DMD: variants seen among roughly 807,000 people sequenced by gnomAD.
DMD encodes mutant dystrophin.
Under a neutral mutation model 330.1 loss-of-function variants are expected in DMD, and 63 were observed. The observed-to-expected ratio is 0.19, with a 90% CI of 0.16 to 0.24. DMD has a LOEUF of 0.24. Ranked by LOEUF, DMD falls within the 10% of genes least tolerant of loss-of-function variation. DMD has a pLI of 1.00. For synonymous variants in DMD, 1,223 were observed against 959.8 expected (o/e 1.27, Z -5.07); for missense variants, 3,344 against 2,684.1 (o/e 1.25, Z -5.43).
intron 1 of DMD, among the ~76,000 whole-genome samples, chrX:33,332,088 G>GT (rs1371547423): frequency 1.8e-5 from 2 of 111,637 alleles, no homozygotes; most frequent in African/African-American, 3.2e-5. Context: ...GCTAACTTGA[G>GT]TTTTTTCATT....
intron 60 of DMD, among the ~76,000 whole-genome samples, chrX:31,431,365 T>A (rs2064060600): frequency 9.0e-6 from 1 of 111,157 alleles, no homozygotes; most frequent in East Asian, 2.8e-4. Context: ...CTGCCAGCTG[T>A]TGGTAGAAAT....
chrX:32,935,247 G>T (rs1000174294), intron 2 of DMD, among the ~76,000 whole-genome samples: 1 of 112,566 alleles, frequency 8.9e-6, no homozygotes, highest in Non-Finnish European at 1.9e-5. Context: ...CAAAGTGCTG[G>T]GATTACAGGC....
chrX:32,480,955 T>C lies in DMD; in HGVS notation c.2803+3964A>G, dbSNP rs143806125. 8.4e-3 allele frequency among the ~76,000 whole-genome samples: 931 copies of C among 110,947 alleles called. 7 individuals carry two copies. The highest frequency in any genetic ancestry group is 0.029 in the African/African-American group (876 of 30,675). ...CAAAACATTCCTTTGCCTAGATGTATTAAAAATAAAATTTTAAAATAAAAA... is the reference window on the plus strand; with the variant it reads ...CAAAACATTCCTTTGCCTAGATGTACTAAAAATAAAATTTTAAAATAAAAA... On this transcript the variant is annotated intron_variant, in intron 21 of 78. Transcript: ENST00000357033.
chrX:33,160,116 G>C (rs1253211364), intron 1 of DMD, among the ~76,000 whole-genome samples: 1 of 111,787 alleles, frequency 8.9e-6, no homozygotes, highest in Non-Finnish European at 1.9e-5. Flanking sequence ...AATAGAATTT[G>C]AGTTAGATAA....
intron 61 of DMD, among the ~76,000 whole-genome samples, chrX:31,339,050 C>T (rs1390322930): frequency 9.1e-6 from 1 of 109,809 alleles, no homozygotes; most frequent in Non-Finnish European, 1.9e-5. Flanking sequence ...CAAAGGTAGG[C>T]TTAATAACTA....
intron 62 of DMD, among the ~76,000 whole-genome samples, chrX:31,271,496 G>C (rs2051628772): frequency 9.0e-6 from 1 of 111,067 alleles, no homozygotes; most frequent in African/African-American, 3.3e-5. Context: ...TGCTAGCTGT[G>C]TAAAAATGCA....
intron 45 of DMD, among the ~76,000 whole-genome samples, chrX:31,962,570 A>G (rs2095316237): frequency 8.9e-6 from 1 of 112,350 alleles, no homozygotes; most frequent in Non-Finnish European, 1.9e-5. Flanking sequence ...ACTCAGTTGT[A>G]GGTGATGGTG....
At chrX:31,684,989 C>A (rs908309030) in intron 52 of DMD, among the ~76,000 whole-genome samples, 5 of 112,088 alleles carry the variant, frequency 4.5e-5, no homozygotes, top group Non-Finnish European at 3.8e-5. Context: ...GGGAATTGTA[C>A]ATGGGAATAG....
chrX:32,082,242 C>T (rs1426903568), intron 44 of DMD, among the ~76,000 whole-genome samples: 1 of 111,023 alleles, frequency 9.0e-6, no homozygotes, highest in African/African-American at 3.3e-5. Flanking sequence ...CTTTTGTTTT[C>T]GAGACAGGAT....
chrX:32,894,819 C>A (rs1272999199), intron 2 of DMD, among the ~76,000 whole-genome samples: 6 of 112,312 alleles, frequency 5.3e-5, no homozygotes, highest in Non-Finnish European at 1.1e-4. Context: ...TTTGTGTGTA[C>A]GTGTGTGTAT....
Position 32,357,692 on chromosome X carries a change from C to G in DMD, c.5325+5096G>C, listed in dbSNP as rs2097809481. ...ACACACACACACACACACACACACA[C>G]ACACACAGAGCACATCAAGAACTCT... is the stretch of plus-strand genomic sequence containing the variant. On this transcript the variant is annotated intron_variant, in intron 37 of 78. Transcript: ENST00000357033. 4.0e-5 allele frequency among the ~76,000 whole-genome samples: 4 copies of G among 101,017 alleles called. No homozygotes were observed. The South Asian group carries it at 1.6e-3, about 40-fold the overall frequency. The allele number at this position is 101,017 out of a possible 115,157, so 87.7% of individuals were successfully genotyped here.
intron 74 of DMD, among the ~76,000 whole-genome samples, chrX:31,161,739 T>A (rs1224502604): frequency 9.0e-6 from 1 of 111,533 alleles, no homozygotes. Flanking sequence ...CTACCAATCT[T>A]CATGGCTTTA....
intron 71 of DMD, among the ~76,000 whole-genome samples, chrX:31,173,825 A>G (rs1305159429): frequency 8.9e-6 from 1 of 112,155 alleles, no homozygotes; most frequent in Non-Finnish European, 1.9e-5. Context: ...AAAGCCATGA[A>G]GAGAGGCCAA....
intron 21 of DMD, among the ~76,000 whole-genome samples, chrX:32,481,949 T>G (rs1412532539): frequency 9.0e-6 from 1 of 111,700 alleles, no homozygotes; most frequent in African/African-American, 3.2e-5. Flanking sequence ...GAAAGCAATC[T>G]AATGGTGTAG....
At chrX:31,800,162 T>A (rs1336083798) in intron 50 of DMD, among the ~76,000 whole-genome samples, 1 of 112,689 alleles carries the variant, frequency 8.9e-6, no homozygotes, top group East Asian at 2.8e-4. Context: ...AGTGCCCCAG[T>A]GGGGACTCTG....
At chrX:31,763,059 A>T (rs2089728433) in intron 51 of DMD, among the ~76,000 whole-genome samples, 2 of 112,849 alleles carry the variant, frequency 1.8e-5, no homozygotes, top group South Asian at 7.2e-4. Context: ...AGCACCTAGT[A>T]CATCTTTAGC....
intron 2 of DMD, among the ~76,000 whole-genome samples, chrX:32,959,022 T>C (rs12847821): frequency 0.21 from 23,215 of 110,917 alleles, 1,872 homozygotes; most frequent in East Asian, 0.39. Context: ...TAATGAACTA[T>C]ACAATATTTA....
At chrX:32,704,501 G>C (rs1040343362) in intron 7 of DMD, among the ~76,000 whole-genome samples, 1 of 111,807 alleles carries the variant, frequency 8.9e-6, no homozygotes, top group Admixed American at 9.5e-5. Context: ...TTCTGCCAAG[G>C]GACAGGCAGG....
At chrX:33,140,235 T>C (rs1006077889) in intron 1 of DMD, among the ~76,000 whole-genome samples, 2 of 112,121 alleles carry the variant, frequency 1.8e-5, no homozygotes, top group East Asian at 5.6e-4. Flanking sequence ...ATGTAGTAAG[T>C]AGGTAATTTT....
Sources: gnomAD v4.1 joint callset for allele counts (sites outside exome capture counted in the v4.1 genomes callset) on GRCh38, gnomAD v4.1.1 for gene constraint, MANE v1.5 for transcripts, NCBI Gene and HGNC (gene_info 2026-07-23, HGNC 2026-07-21) for gene names.